The following GNAI3 variants were observed in gnomAD, a reference collection of about 807,000 sequenced individuals.
GNAI3 encodes guanine nucleotide-binding protein G(i) subunit alpha-3.
A neutral mutation model predicts 41.8 loss-of-function variants in GNAI3; 12 were observed. The observed-to-expected ratio is 0.29, with a 90% confidence interval of 0.18 to 0.47. The LOEUF (loss-of-function observed/expected upper bound fraction) is 0.47. GNAI3 is among the 20% of genes least tolerant of loss of function. GNAI3 has a pLI of 1.00. For missense variants in GNAI3, 360 were observed against 429.6 expected, an observed-to-expected ratio of 0.84 and a Z score of 1.43; for synonymous variants, 132 against 146.5, an observed-to-expected ratio of 0.90 and a Z score of 0.71.
chr1:109,576,583 AC>A (rs1217433296), intron 3 of GNAI3, among the ~76,000 whole-genome samples: 11 of 151,240 alleles, frequency 7.3e-5, no homozygotes, highest in African/African-American at 2.7e-4. Context: ...CAATGGTGTG[AC>A]CTTGGCTCAC....
chr1:109,552,014 T>C (rs1483632142), intron 1 of GNAI3, among the ~76,000 whole-genome samples: 1 of 151,844 alleles, frequency 6.6e-6, no homozygotes, highest in African/African-American at 2.4e-5. Context: ...GTACAAAAAT[T>C]AGCCGGGCGT....
At chr1:109,591,980 T>C in intron 7 of GNAI3, 63 bp from the exon 8 acceptor site, 1 of 962,812 alleles carries the variant, frequency 1.0e-6, no homozygotes. Context: ...GGTAATGGTC[T>C]GACTTAGTTG....
intron 3 of GNAI3, 53 bp downstream of exon 3, chr1:109,574,090 AG>A (rs1271728625): frequency 2.1e-6 from 3 of 1,412,998 alleles, no homozygotes; most frequent in African/African-American, 2.9e-5. Context: ...GATACAGTTA[AG>A]TTAAGCAAAA....
At chr1:109,587,783 A>G (rs17024043) in intron 7 of GNAI3, among the ~76,000 whole-genome samples, 10,785 of 152,222 alleles carry the variant, frequency 0.071, 1,064 homozygotes, top group African/African-American at 0.22. Flanking sequence ...GAGAAAGATT[A>G]TGCAATAAAT....
intron 3 of GNAI3, among the ~76,000 whole-genome samples, chr1:109,578,083 A>G (rs1332287969): frequency 6.6e-6 from 1 of 152,206 alleles, no homozygotes; most frequent in Non-Finnish European, 1.5e-5. Context: ...ACAAGTAGGG[A>G]TGGATAGAAT....
At chr1:109,575,043 A>G (rs569999204) in intron 3 of GNAI3, among the ~76,000 whole-genome samples, 1 of 152,374 alleles carries the variant, frequency 6.6e-6, no homozygotes, top group South Asian at 2.1e-4. Context: ...GCATAAAGGA[A>G]GAGGAGCTGG....
intron 1 of GNAI3, among the ~76,000 whole-genome samples, chr1:109,570,606 T>C (rs1046057053): frequency 1.3e-5 from 2 of 152,030 alleles, no homozygotes. Context: ...AGGAAGAAAA[T>C]CTTGCAAAAC....
At position 109,598,118 on chromosome 1, in the gene GNAI3, C is replaced by T. The variant is rs1649359460; in HGVS notation, c.*5796C>T. On this transcript the variant is annotated 3_prime_UTR_variant, in exon 9 of 9. Transcript: ENST00000369851. ...TATGAACAACCTGGTTTATCTGTCTCCTCTTATCTTTTACCTCTCCCTACG... is the reference window on the plus strand; with the variant it reads ...TATGAACAACCTGGTTTATCTGTCTTCTCTTATCTTTTACCTCTCCCTACG... 1 of 152,230 alleles carries T rather than the reference C, an allele frequency of 6.6e-6. No homozygotes were observed. The highest frequency in any genetic ancestry group is 6.5e-5 in the Admixed American group (1 of 15,286). 9.4% of individuals were successfully genotyped at this position (152,230 alleles called of 1,614,324 possible).
intron 1 of GNAI3, among the ~76,000 whole-genome samples, chr1:109,549,082 CAG>C (rs1647909537): frequency 6.6e-6 from 1 of 151,998 alleles, no homozygotes; most frequent in Non-Finnish European, 1.5e-5. Flanking sequence ...TTGCGTTTAG[CAG>C]AGAGACTTGG....
At chr1:109,589,300 T>G (rs558070593) in intron 7 of GNAI3, among the ~76,000 whole-genome samples, 2 of 152,328 alleles carry the variant, frequency 1.3e-5, no homozygotes, top group Admixed American at 1.3e-4. Flanking sequence ...CAGTGTTATC[T>G]GCAGATAAGT....
intron 7 of GNAI3, among the ~76,000 whole-genome samples, chr1:109,588,253 G>C (rs1459325509): frequency 1.3e-5 from 2 of 151,888 alleles, no homozygotes; most frequent in East Asian, 3.9e-4. Flanking sequence ...TTGGTGGCAG[G>C]CACCTGTAGT....
At chr1:109,571,027 A>T (rs942924320) in intron 1 of GNAI3, among the ~76,000 whole-genome samples, 2 of 152,182 alleles carry the variant, frequency 1.3e-5, no homozygotes, top group Non-Finnish European at 1.5e-5. Context: ...TGCTTTATTT[A>T]AAAAAATTAA....
intron 1 of GNAI3, among the ~76,000 whole-genome samples, chr1:109,556,755 A>C (rs1648165441): frequency 6.6e-6 from 1 of 152,312 alleles, no homozygotes; most frequent in African/African-American, 2.4e-5. Context: ...CTCATCTCTT[A>C]CAACCAGTCA....
intron 4 of GNAI3, among the ~76,000 whole-genome samples, chr1:109,580,353 T>C (rs1248506977): frequency 6.6e-6 from 1 of 152,194 alleles, no homozygotes; most frequent in African/African-American, 2.4e-5. Context: ...ACTTGTTATC[T>C]GTATTTCTCT....
At chr1:109,582,586 C>A in intron 5 of GNAI3, 21 bp downstream of exon 5, 1 of 1,570,206 alleles carries the variant, frequency 6.4e-7, no homozygotes, top group Non-Finnish European at 8.8e-7. Context: ...AGCCTTTTTG[C>A]TAGGTGTGCC....
chr1:109,592,150 G>C lies in GNAI3; in HGVS notation c.982G>C (p.Asp328His), dbSNP rs1360252169. Reference protein sequence around the residue: ...EIYTHFTCATDTKNVQFVFDA... With the variant: ...EIYTHFTCATHTKNVQFVFDA... Reference sequence around the variant, plus strand: ...CTATACTCACTTCACCTGTGCCACAGACACGAAGAATGTGCAGTTTGTTTT... The same window carrying C: ...CTATACTCACTTCACCTGTGCCACACACACGAAGAATGTGCAGTTTGTTTT... The change falls in exon 8 of 9, where the codon GAC becomes CAC. Residue 328 changes from aspartate to histidine, a missense_variant. Physicochemically the swap from Asp to His is moderately conservative, Grantham distance 81. Coordinates refer to ENST00000369851, the MANE Select transcript of GNAI3 (RefSeq NM_006496.4). The C allele has an allele frequency of 6.2e-7, 1 of 1,612,934 alleles. No individual in the cohort carries two copies. The highest frequency in any genetic ancestry group is 1.3e-5 in the African/African-American group (1 of 74,906).
At position 109,595,253 on chromosome 1, in the gene GNAI3, C is replaced by G. The variant is rs980947903; in HGVS notation, c.*2931C>G. ...ATTCTTAATGGACAGTCCCCCCTAA[C>G]CTTATAAATTCAGCTTTGCAACAGA... On this transcript the variant is annotated 3_prime_UTR_variant, in exon 9 of 9. Coordinates refer to ENST00000369851, the MANE Select transcript of GNAI3 (RefSeq NM_006496.4). 1 of 152,154 alleles carries G rather than the reference C, an allele frequency of 6.6e-6. No homozygotes were observed. Among genetic ancestry groups the G allele is most frequent in the Non-Finnish European group, 1.5e-5 (1 of 68,026 alleles). The allele number at this position is 152,154 out of a possible 1,614,324, so 9.4% of individuals were successfully genotyped here.
rs1649244199 is a variant in GNAI3 at position 109,594,349 on chromosome 1, A to G, written c.*2027A>G. On this transcript the variant is annotated 3_prime_UTR_variant, in exon 9 of 9. Transcript: ENST00000369851. ...AATAACCAATAATCCAAAAAAGTTC[A>G]TTTTACTTTGAATTTGTATTTTCAT... 6.6e-6 allele frequency: 1 copy of G among 152,176 alleles called. No homozygotes were observed. Among genetic ancestry groups the G allele is most frequent in the African/African-American group, 2.4e-5 (1 of 41,442 alleles). The allele number at this position is 152,176 out of a possible 1,614,324, so 9.4% of individuals were successfully genotyped here. A position where few individuals can be genotyped will look rare whatever the true frequency, so the allele number is the denominator to read the frequency against.
At chr1:109,571,149 A>G (rs1648586900) in intron 1 of GNAI3, among the ~76,000 whole-genome samples, 1 of 152,182 alleles carries the variant, frequency 6.6e-6, no homozygotes, top group Admixed American at 6.5e-5. Flanking sequence ...TGTTGGTGCC[A>G]TTTACTGGAA....
Sources: allele counts gnomAD v4.1 joint callset (sites outside exome capture counted in the v4.1 genomes callset), GRCh38; gene constraint gnomAD v4.1.1; transcripts MANE v1.5; gene names NCBI Gene and HGNC (gene_info 2026-07-23, HGNC 2026-07-21).